Variants in TRDMT1 observed in about 807,000 individuals in gnomAD.
TRDMT1 encodes the protein tRNA aspartic acid methyltransferase 1.
A neutral mutation model predicts 51.2 loss-of-function variants in TRDMT1; 49 were observed. The ratio of observed to expected loss-of-function variants is 0.96; its 90% CI spans 0.76 to 1.21. TRDMT1 has a LOEUF of 1.21. TRDMT1 is among the 50% of genes most tolerant of loss of function. The probability of loss-of-function intolerance (pLI) is 0.00; values close to 1 mark genes in which losing one functional copy is unlikely to be tolerated. For missense variants in TRDMT1, 534 were observed against 462.3 expected (o/e 1.16, Z -1.42); for synonymous variants, 187 against 164.6 (o/e 1.14, Z -1.04).
rs1837802181 is a variant in TRDMT1 at position 17,142,945 on chromosome 10, A to G, written c.*6095T>C. 1.0e-6 allele frequency: 1 copy of G among 966,770 alleles called. No individual in the cohort carries two copies. The highest frequency in any genetic ancestry group is 1.2e-6 in the Non-Finnish European group (1 of 813,350). 59.9% of individuals were successfully genotyped at this position (966,770 alleles called of 1,614,324 possible). On this transcript the variant is annotated 3_prime_UTR_variant, in exon 11 of 11. Coordinates refer to ENST00000377799, the MANE Select transcript of TRDMT1 (RefSeq NM_004412.7). ...ACTTTTCAGGGAGGAGCAGGGAGAA[A>G]TAAATCTACACTCTCTTGTCAAGAC...
intron 1 of TRDMT1, among the ~76,000 whole-genome samples, chr10:17,197,558 T>A (rs1243547886): frequency 6.6e-6 from 1 of 152,214 alleles, no homozygotes; most frequent in Admixed American, 6.5e-5. Context: ...ATACTTTTTA[T>A]AACTGAAAAT....
At chr10:17,179,052 A>AG (rs1448891089) in intron 1 of TRDMT1, among the ~76,000 whole-genome samples, 1 of 152,204 alleles carries the variant, frequency 6.6e-6, no homozygotes, top group African/African-American at 2.4e-5. Flanking sequence ...GTAAAAAAAA[A>AG]GGAGCACAGT....
intron 1 of TRDMT1, among the ~76,000 whole-genome samples, chr10:17,176,470 T>C (rs138920559): frequency 5.5e-4 from 84 of 152,320 alleles, no homozygotes; most frequent in Non-Finnish European, 9.1e-4. Context: ...GTATTTCATA[T>C]GGTGATCCAA....
intron 8 of TRDMT1, among the ~76,000 whole-genome samples, 175 bp downstream of exon 8, chr10:17,157,266 C>T (rs1457188043): frequency 1.3e-5 from 2 of 152,042 alleles, no homozygotes; most frequent in African/African-American, 4.8e-5. Flanking sequence ...TTCTGCCAAA[C>T]GGAATTTTTA....
chr10:17,192,865 A>G (rs891656474), intron 1 of TRDMT1, among the ~76,000 whole-genome samples: 3 of 152,196 alleles, frequency 2.0e-5, no homozygotes, highest in African/African-American at 7.2e-5. Flanking sequence ...TCCTCATGAT[A>G]AAAACCCCTC....
At chr10:17,157,135 A>T (rs1258742128) in intron 8 of TRDMT1, among the ~76,000 whole-genome samples, 2 of 152,206 alleles carry the variant, frequency 1.3e-5, no homozygotes, top group African/African-American at 4.8e-5. Context: ...AGTGCTAAAG[A>T]ATTAGCAAGT....
At chr10:17,151,118 C>T in intron 10 of TRDMT1, 2 of 763,816 alleles carry the variant, frequency 2.6e-6, no homozygotes, top group Non-Finnish European at 3.2e-6. Context: ...GTGCATATTT[C>T]TTTAAATCTA....
chr10:17,187,422 TA>T (rs1028882948), intron 1 of TRDMT1, among the ~76,000 whole-genome samples: 7 of 152,146 alleles, frequency 4.6e-5, no homozygotes, highest in African/African-American at 1.4e-4. Flanking sequence ...TATGTCCTTT[TA>T]AAAAAATAAT....
chr10:17,181,169 A>G (rs1843238438), intron 1 of TRDMT1, among the ~76,000 whole-genome samples: 1 of 152,206 alleles, frequency 6.6e-6, no homozygotes, highest in Admixed American at 6.5e-5. Flanking sequence ...AATGAGACAG[A>G]ATAAGTGCAT....
In TRDMT1 at chr10:17,159,184, G is replaced by A; in HGVS notation, c.505C>T (p.Leu169Phe). The change falls in exon 7 of 11, where the codon CTT becomes TTT. Residue 169 changes from leucine to phenylalanine, a missense_variant. Coordinates refer to ENST00000377799, the MANE Select transcript of TRDMT1 (RefSeq NM_004412.7). ...SRLRYFLIAK[L>F]QSEPLPFQAP... The stretch of plus-strand genomic sequence containing the variant: ...TGAAAGGGTAATGGCTCTGACTGAA[G>A]CTTTGCAATAAGAAAATATCGTAGC... The A allele has an allele frequency of 1.2e-6, 2 of 1,604,034 alleles. No homozygotes were observed. The highest frequency in any genetic ancestry group is 1.7e-6 in the Non-Finnish European group (2 of 1,174,760).
chr10:17,143,578 A>G lies in TRDMT1; in HGVS notation c.*5462T>C. Reference sequence around the variant, plus strand: ...AAATATTTTAGTAAAAACGACATTCATGCTGGATTAAATTTAGAAGGCTCA... The same window carrying G: ...AAATATTTTAGTAAAAACGACATTCGTGCTGGATTAAATTTAGAAGGCTCA... On this transcript the variant is annotated 3_prime_UTR_variant, in exon 11 of 11. Transcript: ENST00000377799. The G allele has an allele frequency of 1.0e-6, 1 of 985,482 alleles. No homozygotes were observed. The highest frequency in any genetic ancestry group is 4.7e-5 in the South Asian group (1 of 21,292). 61.0% of individuals were successfully genotyped at this position (985,482 alleles called of 1,614,324 possible).
intron 1 of TRDMT1, among the ~76,000 whole-genome samples, chr10:17,192,866 A>G (rs2131610146): frequency 6.6e-6 from 1 of 152,308 alleles, no homozygotes; most frequent in East Asian, 1.9e-4. Flanking sequence ...CCTCATGATA[A>G]AAACCCCTCA....
chr10:17,149,230 T>C lies in TRDMT1; in HGVS notation c.1076-90A>G, dbSNP rs530614150. ...GTATCCTTTAGTAAGGGCACAGCGG[T>C]CATTTCATAAGTAAATCACTAAGGT... On this transcript the variant is annotated intron_variant, in intron 10 of 10. Transcript: ENST00000377799. 62 of 983,630 alleles carry C rather than the reference T, an allele frequency of 6.3e-5. No homozygotes were observed. The African/African-American group carries it at 9.1e-4, about 14-fold the overall frequency. 60.9% of individuals were successfully genotyped at this position (983,630 alleles called of 1,614,324 possible). A position where few individuals can be genotyped will look rare whatever the true frequency, so the allele number is the denominator to read the frequency against.
chr10:17,162,293 T>C, intron 3 of TRDMT1, 56 bp from the exon 4 acceptor site: 1 of 1,487,572 alleles, frequency 6.7e-7, no homozygotes, highest in Non-Finnish European at 9.1e-7. Context: ...TTATTAAGAA[T>C]CTGATAAAAA....
At position 17,145,565 on chromosome 10, in the gene TRDMT1, G is replaced by A. The variant is rs1838033783; in HGVS notation, c.*3475C>T. 1 of 985,296 alleles carries A rather than the reference G, an allele frequency of 1.0e-6. No individual in the cohort carries two copies. The highest frequency in any genetic ancestry group is 1.7e-5 in the African/African-American group (1 of 57,230). The allele number at this position is 985,296 out of a possible 1,614,324, so 61.0% of individuals were successfully genotyped here. A position where few individuals can be genotyped will look rare whatever the true frequency, so the allele number is the denominator to read the frequency against. On this transcript the variant is annotated 3_prime_UTR_variant, in exon 11 of 11. Transcript: ENST00000377799. ...CTATTAGTAAGTCAGTGTCATAACT[G>A]GTGGCCTAAAACAGTTAGAATCCCA...
At position 17,141,209 on chromosome 10, in the gene TRDMT1, C is replaced by T. The variant is rs1284001107; in HGVS notation, c.*7831G>A. Among the ~76,000 whole-genome samples the T allele has an allele frequency of 6.6e-6, 1 of 152,180 alleles. No homozygotes were observed. Among genetic ancestry groups the T allele is most frequent in the African/African-American group, 2.4e-5 (1 of 41,430 alleles). ...GACGGAGTCTCACTCTGTCACCAGG[C>T]TGGAGTGCAGTGGCACGATCTCAGC... On this transcript the variant is annotated 3_prime_UTR_variant, in exon 11 of 11. Transcript: ENST00000377799.
Position 17,146,968 on chromosome 10 carries a change from T to C in TRDMT1, c.*2072A>G. 1 of 985,456 alleles carries C rather than the reference T, an allele frequency of 1.0e-6. No individual in the cohort carries two copies. The highest frequency in any genetic ancestry group is 1.2e-6 in the Non-Finnish European group (1 of 829,924). 61.0% of individuals were successfully genotyped at this position (985,456 alleles called of 1,614,324 possible). ...GAATCACCGTCTTCCTGTGAATACA[T>C]TCCCATAATTTAAGAATTCCACTAA... On this transcript the variant is annotated 3_prime_UTR_variant, in exon 11 of 11. Transcript: ENST00000377799.
At chr10:17,177,208 A>ATTTATTTATTTT (rs1264015551) in intron 1 of TRDMT1, among the ~76,000 whole-genome samples, 1 of 149,422 alleles carries the variant, frequency 6.7e-6, no homozygotes. Context: ...TTATTTATTT[A>ATTTATTTATTTT]TTTTTTGAGA....
Position 17,144,296 on chromosome 10 carries a change from TCAAAATGCAAA to T in TRDMT1, c.*4733_*4743del. 1 of 985,376 alleles carries T rather than the reference TCAAAATGCAAA, an allele frequency of 1.0e-6. No individual in the cohort carries two copies. Among genetic ancestry groups the T allele is most frequent in the Non-Finnish European group, 1.2e-6 (1 of 829,906 alleles). 61.0% of individuals were successfully genotyped at this position (985,376 alleles called of 1,614,324 possible). On this transcript the variant is annotated 3_prime_UTR_variant, in exon 11 of 11. Transcript: ENST00000377799. ...CAATCTGTCCTGATAAAAATAGAAA[TCAAAATGCAAA>T]CAAAATACAGAGCAAATATTTGAAG...
Sources: allele counts gnomAD v4.1 joint callset (sites outside exome capture counted in the v4.1 genomes callset), GRCh38; gene constraint gnomAD v4.1.1; transcripts MANE v1.5; gene names NCBI Gene and HGNC (gene_info 2026-07-23, HGNC 2026-07-21).